The following TPTE2 variants were observed in gnomAD, a reference collection of about 807,000 sequenced individuals.
TPTE2 encodes transmembrane phosphoinositide 3-phosphatase and tensin homolog 2.
A neutral mutation model predicts 78.6 loss-of-function variants in TPTE2; 53 were observed. The ratio of observed to expected loss-of-function variants is 0.67; its 90% CI spans 0.54 to 0.85. The LOEUF (loss-of-function observed/expected upper bound fraction) is 0.85, where lower values mean the gene tolerates loss of function less well. Ranked by LOEUF, TPTE2 falls within the 40% of genes least tolerant of loss-of-function variation. TPTE2 has a pLI of 0.00. For synonymous variants in TPTE2, 175 were observed against 206.2 expected (o/e 0.85, Z 1.30); for missense variants, 461 against 623.0 (o/e 0.74, Z 2.77).
At chr13:19,488,111 C>A (rs977825505) in intron 3 of TPTE2, among the ~76,000 whole-genome samples, 3 of 152,202 alleles carry the variant, frequency 2.0e-5, no homozygotes, top group Non-Finnish European at 4.4e-5. Flanking sequence ...TGTCTGCACT[C>A]CTTTGCTGCA....
At chr13:19,424,187 T>C (rs567234695) in intron 19 of TPTE2, among the ~76,000 whole-genome samples, 1 of 152,364 alleles carries the variant, frequency 6.6e-6, no homozygotes, top group East Asian at 1.9e-4. Context: ...TCTTCAACTC[T>C]GACCTAAATC....
At chr13:19,545,866 CT>C in the TPTE2 span, among the ~76,000 whole-genome samples, 1 of 152,152 alleles carries the variant, frequency 6.6e-6, no homozygotes, top group Non-Finnish European at 1.5e-5. Context: ...TGCTTTTTAT[CT>C]TGGTAAATGA....
chr13:19,511,084 G>A lies in TPTE2; in HGVS notation c.-43-7807C>T, dbSNP rs551760554. ...TATTCAGTCAAATTTAAAATGTGCA[G>A]TCTCATGGCCCATCAAGTCCTGTTT... On this transcript the variant is annotated intron_variant, in intron 1 of 17. Transcript: ENST00000390680. 1.2e-4 allele frequency among the ~76,000 whole-genome samples: 19 copies of A among 152,290 alleles called. No individual in the cohort carries two copies. In the East Asian group the frequency reaches 3.7e-3, roughly 29 times the overall value.
At chr13:19,429,752 T>C (rs964865003) in intron 17 of TPTE2, among the ~76,000 whole-genome samples, 2 of 152,186 alleles carry the variant, frequency 1.3e-5, no homozygotes, top group Admixed American at 6.5e-5. Context: ...GACAAAGGCC[T>C]GGGTAGGAAT....
intron 4 of TPTE2, among the ~76,000 whole-genome samples, chr13:19,478,951 T>C (rs570760263): frequency 4.1e-4 from 63 of 152,170 alleles, no homozygotes; most frequent in African/African-American, 1.4e-3. Flanking sequence ...TAGGTGGGAA[T>C]TGAACAATGA....
intron 10 of TPTE2, among the ~76,000 whole-genome samples, chr13:19,463,312 T>C (rs1278859109): frequency 2.0e-5 from 3 of 152,208 alleles, no homozygotes; most frequent in Non-Finnish European, 4.4e-5. Context: ...ATTCCTTAAA[T>C]TCTTCAGCTC....
chr13:19,519,335 GA>G (rs929123897), intron 1 of TPTE2, among the ~76,000 whole-genome samples: 8 of 149,226 alleles, frequency 5.4e-5, no homozygotes, highest in African/African-American at 1.7e-4. Context: ...AAAAGGAAAG[GA>G]AAAAAAAAGA....
intron 19 of TPTE2, 56 bp from the exon 23 acceptor site, chr13:19,423,220 C>T: frequency 1.4e-6 from 2 of 1,384,080 alleles, no homozygotes; most frequent in Non-Finnish European, 2.0e-6. Flanking sequence ...AAAAGCCACG[C>T]AGTTGGGTAC....
chr13:19,523,392 C>A (rs912945768), intron 1 of TPTE2, among the ~76,000 whole-genome samples: 2 of 152,302 alleles, frequency 1.3e-5, no homozygotes, highest in East Asian at 1.9e-4. Context: ...TTTTTCCTAG[C>A]TGCTTTTATG....
At chr13:19,543,590 A>C in the TPTE2 span, among the ~76,000 whole-genome samples, 3 of 151,954 alleles carry the variant, frequency 2.0e-5, no homozygotes, top group Non-Finnish European at 4.4e-5. Flanking sequence ...TCCTGACCTC[A>C]GGTGATCCAC....
chr13:19,462,381 T>C (rs898332015), intron 10 of TPTE2, among the ~76,000 whole-genome samples: 26 of 152,060 alleles, frequency 1.7e-4, no homozygotes, highest in African/African-American at 5.3e-4. Context: ...GTATTCTTGG[T>C]TGACAGTTTT....
chr13:19,452,985 T>A (rs200838028), intron 10 of TPTE2, among the ~76,000 whole-genome samples: 42 of 23,010 alleles, frequency 1.8e-3, no homozygotes, highest in African/African-American at 2.9e-3. Context: ...TATTTTATTT[T>A]ATTTATTTTA....
At chr13:19,465,257 G>A in exon 9 of TPTE2, 1 of 1,613,874 alleles carries the variant, frequency 6.2e-7, no homozygotes, top group East Asian at 2.2e-5. Context: ...TCACAAACCT[G>A]TAACGTAAGT....
chr13:19,501,798 A>C (rs1488969708), intron 1 of TPTE2, among the ~76,000 whole-genome samples: 1 of 152,012 alleles, frequency 6.6e-6, no homozygotes, highest in Non-Finnish European at 1.5e-5. Context: ...CAAAATTGAC[A>C]AATGGGATCT....
At chr13:19,464,462 T>C (rs1222563383) in exon 10 of TPTE2, 30 of 1,612,504 alleles carry the variant, frequency 1.9e-5, no homozygotes, top group Non-Finnish European at 2.5e-5. Flanking sequence ...TTACCTCAAT[T>C]GGATTTCTAT....
chr13:19,498,313 C>T (rs1242432261), intron 1 of TPTE2, among the ~76,000 whole-genome samples: 1 of 150,928 alleles, frequency 6.6e-6, no homozygotes, highest in Non-Finnish European at 1.5e-5. Context: ...CAAAGATACT[C>T]CTCGAGAAGA....
chr13:19,548,759 C>G, the TPTE2 span, among the ~76,000 whole-genome samples: 2 of 151,692 alleles, frequency 1.3e-5, no homozygotes, highest in African/African-American at 4.8e-5. Flanking sequence ...TATAAAAACC[C>G]TGAAGAAGAT....
chr13:19,469,929 T>G (rs773343313), intron 6 of TPTE2, among the ~76,000 whole-genome samples: 1 of 152,212 alleles, frequency 6.6e-6, no homozygotes, highest in Non-Finnish European at 1.5e-5. Context: ...TGTGGAGTCT[T>G]TAGTATTTTC....
At chr13:19,429,918 C>T (rs993351035) in intron 17 of TPTE2, among the ~76,000 whole-genome samples, 3 of 152,184 alleles carry the variant, frequency 2.0e-5, no homozygotes, top group Non-Finnish European at 2.9e-5. Flanking sequence ...TTCACCCTTG[C>T]GTTGTTTCTC....
Sources: gnomAD v4.1 joint callset for allele counts (sites outside exome capture counted in the v4.1 genomes callset) on GRCh38, gnomAD v4.1.1 for gene constraint, MANE v1.5 for transcripts, NCBI Gene and HGNC (gene_info 2026-07-23, HGNC 2026-07-21) for gene names.